Variants in ERBB4 observed in about 807,000 individuals in gnomAD.
ERBB4 encodes the protein erb-b2 receptor tyrosine kinase 4.
In ERBB4, 42 loss-of-function variants were observed where a neutral mutation model predicts 158.0. The observed-to-expected ratio is 0.27, with a 90% CI of 0.21 to 0.34. The LOEUF is 0.34. Among genes scored for constraint, ERBB4 ranks in the 10% least tolerant of loss-of-function variants. The pLI, the probability that ERBB4 is intolerant of heterozygous loss-of-function variation, is 1.00. For missense variants in ERBB4, 1,333 were observed against 1,624.1 expected, an observed-to-expected ratio of 0.82 and a Z score of 3.08; for synonymous variants, 583 against 558.7, an observed-to-expected ratio of 1.04 and a Z score of -0.61.
chr2:212,094,295 T>C, intron 2 of ERBB4, among the ~76,000 whole-genome samples: 1 of 149,914 alleles, frequency 6.7e-6, no homozygotes, highest in South Asian at 2.1e-4. Flanking sequence ...TAAAATTAAA[T>C]TACATAAACA....
intron 3 of ERBB4, among the ~76,000 whole-genome samples, chr2:211,838,005 G>A (rs992552902): frequency 5.9e-5 from 9 of 151,966 alleles, no homozygotes; most frequent in African/African-American, 2.2e-4. Flanking sequence ...TGCCAAAGTG[G>A]ACTGCTTGGG....
At chr2:211,533,746 G>A (rs2066567703) in intron 20 of ERBB4, among the ~76,000 whole-genome samples, 1 of 151,950 alleles carries the variant, frequency 6.6e-6, no homozygotes. Context: ...AGAAAAAGTT[G>A]GGGCTATTTG....
chr2:212,435,769 T>C (rs1158699235), intron 1 of ERBB4, among the ~76,000 whole-genome samples: 1 of 151,978 alleles, frequency 6.6e-6, no homozygotes, highest in Non-Finnish European at 1.5e-5. Flanking sequence ...AGTCTTAAAA[T>C]TATACATGGC....
intron 3 of ERBB4, among the ~76,000 whole-genome samples, chr2:211,911,311 G>C (rs549055184): frequency 7.2e-4 from 109 of 152,226 alleles, no homozygotes; most frequent in African/African-American, 2.4e-3. Context: ...CTGTCACCTA[G>C]ATTAGAGTGT....
chr2:212,031,298 C>G (rs982068529), intron 2 of ERBB4, among the ~76,000 whole-genome samples: 1 of 152,038 alleles, frequency 6.6e-6, no homozygotes, highest in Non-Finnish European at 1.5e-5. Flanking sequence ...TTCCAAGTAG[C>G]CACATTTCCT....
intron 20 of ERBB4, among the ~76,000 whole-genome samples, chr2:211,512,849 T>C (rs2065915215): frequency 6.6e-6 from 1 of 152,084 alleles, no homozygotes; most frequent in African/African-American, 2.4e-5. Context: ...CAAAGATCTG[T>C]CTCCCTTCTA....
chr2:212,141,260 T>C lies in ERBB4; in HGVS notation c.83-16357A>G, dbSNP rs543585880. Among the ~76,000 whole-genome samples the C allele has an allele frequency of 1.4e-4, 21 of 152,112 alleles. 1 individual carries two copies. The South Asian group carries it at 3.5e-3, about 26-fold the overall frequency. On this transcript the variant is annotated intron_variant, in intron 1 of 27. Transcript: ENST00000342788. The stretch of plus-strand genomic sequence containing the variant: ...AGTCCATGACAGATGCTATGGGTGA[T>C]AGTCATTAGGTATTTACAACACATA...
At position 211,472,045 on chromosome 2, in the gene ERBB4, T is replaced by C. The variant is rs185145597; in HGVS notation, c.2488-40945A>G. On this transcript the variant is annotated intron_variant, in intron 20 of 27. Transcript: ENST00000342788. ...TGCTGTGGAGAGCCATTGCAAACTT[T>C]TAAGTTGACAAAAGATTTCTGACCA... 3.3e-5 allele frequency among the ~76,000 whole-genome samples: 5 copies of C among 152,124 alleles called. No homozygotes were observed. The East Asian group carries it at 5.8e-4, about 18-fold the overall frequency.
chr2:211,867,213 A>G (rs1417780480), intron 3 of ERBB4, among the ~76,000 whole-genome samples: 2 of 152,130 alleles, frequency 1.3e-5, no homozygotes, highest in African/African-American at 2.4e-5. Context: ...TGTAGTTAAT[A>G]TTTTGTATCT....
At position 211,713,662 on chromosome 2, in the gene ERBB4, A is replaced by C; in HGVS notation, c.884-14T>G. The stretch of plus-strand genomic sequence containing the variant: ...CCACAAAGTTATCTGATTAAAAAAA[A>C]AAAAAAGGTAAAATAAGCATTAATG... On this transcript the variant is annotated splice_polypyrimidine_tract_variant and intron_variant, in intron 7 of 27. Transcript: ENST00000342788. The C allele has an allele frequency of 6.8e-7, 1 of 1,472,000 alleles. No individual in the cohort carries two copies. The highest frequency in any genetic ancestry group is 9.5e-7 in the Non-Finnish European group (1 of 1,052,756). 91.2% of individuals were successfully genotyped at this position (1,472,000 alleles called of 1,614,324 possible). A position where few individuals can be genotyped will look rare whatever the true frequency, so the allele number is the denominator to read the frequency against.
chr2:211,702,115 G>T lies in ERBB4; in HGVS notation c.1341C>A (p.Phe447Leu). 6.2e-7 allele frequency: 1 copy of T among 1,614,084 alleles called. No homozygotes were observed. Among genetic ancestry groups the T allele is most frequent in the Non-Finnish European group, 8.5e-7 (1 of 1,179,992 alleles). Residue 447 changes from phenylalanine (F) to leucine (L), a missense_variant, in exon 12 of 28, where the codon TTC (phenylalanine) becomes TTA (leucine). Physicochemically the swap from Phe to Leu is conservative, Grantham distance 22. Coordinates refer to ENST00000342788, the MANE Select transcript of ERBB4 (RefSeq NM_005235.3). ...LKQQGITSLQFQSLKEISAGN... is the reference protein window; with the variant it reads ...LKQQGITSLQLQSLKEISAGN... Reference sequence around the variant, plus strand: ...CTGCGCTGATTTCCTTCAGGGACTGGAACTGTAGAGAGGTGATGCCCTGTT... The same window carrying T: ...CTGCGCTGATTTCCTTCAGGGACTGTAACTGTAGAGAGGTGATGCCCTGTT...
At chr2:212,139,280 T>G (rs574887188) in intron 1 of ERBB4, among the ~76,000 whole-genome samples, 16 of 152,088 alleles carry the variant, frequency 1.1e-4, no homozygotes, top group African/African-American at 3.6e-4. Context: ...AAGAGCAATA[T>G]TTAAAACAAC....
At chr2:211,811,907 G>T (rs1475663687) in intron 3 of ERBB4, among the ~76,000 whole-genome samples, 1 of 152,046 alleles carries the variant, frequency 6.6e-6, no homozygotes, top group Non-Finnish European at 1.5e-5. Context: ...ATTCTAGTTA[G>T]CCATTCATCT....
intron 17 of ERBB4, 125 bp from the exon 18 acceptor site, chr2:211,624,169 C>T: frequency 8.6e-7 from 1 of 1,161,650 alleles, no homozygotes; most frequent in Non-Finnish European, 1.3e-6. Context: ...CTTGGTTTGC[C>T]TTGACAACCA....
At chr2:212,159,611 T>C (rs2081145880) in intron 1 of ERBB4, among the ~76,000 whole-genome samples, 1 of 151,938 alleles carries the variant, frequency 6.6e-6, no homozygotes, top group South Asian at 2.1e-4. Flanking sequence ...GACAGGCTAG[T>C]TGCAATTACA....
intron 1 of ERBB4, among the ~76,000 whole-genome samples, chr2:212,428,001 A>G (rs1271016404): frequency 6.6e-6 from 1 of 152,204 alleles, no homozygotes; most frequent in Admixed American, 6.6e-5. Context: ...CTGAGAAAGA[A>G]TAATAATGTC....
intron 2 of ERBB4, among the ~76,000 whole-genome samples, chr2:211,968,321 AG>A: frequency 6.6e-6 from 1 of 152,182 alleles, no homozygotes; most frequent in Non-Finnish European, 1.5e-5. Context: ...TGTTCTGGAT[AG>A]TGAAGCAAAT....
intron 2 of ERBB4, among the ~76,000 whole-genome samples, chr2:212,026,562 T>C (rs949877439): frequency 1.3e-5 from 2 of 151,890 alleles, no homozygotes. Flanking sequence ...AAACACACCA[T>C]TTAAAATGCA....
chr2:212,502,782 G>GC (rs969609603), intron 1 of ERBB4, among the ~76,000 whole-genome samples: 7 of 151,828 alleles, frequency 4.6e-5, no homozygotes, highest in Non-Finnish European at 4.4e-5. Flanking sequence ...CTTTTTCATT[G>GC]TTTTTTTGAG....
Sources: allele counts gnomAD v4.1 joint callset (sites outside exome capture counted in the v4.1 genomes callset), GRCh38; gene constraint gnomAD v4.1.1; transcripts MANE v1.5; gene names NCBI Gene and HGNC (gene_info 2026-07-23, HGNC 2026-07-21).